Variants in PRMT8 observed in about 807,000 individuals in gnomAD.
PRMT8 encodes protein arginine N-methyltransferase 8.
Under a neutral mutation model 47.1 loss-of-function variants are expected in PRMT8, and 7 were observed. The ratio of observed to expected loss-of-function variants is 0.15; its 90% confidence interval spans 0.08 to 0.28. The LOEUF is 0.28. Among genes scored for constraint, PRMT8 ranks in the 10% least tolerant of loss-of-function variants. The pLI is 1.00. For synonymous variants in PRMT8, 188 were observed against 186.5 expected, an observed-to-expected ratio of 1.01 and a Z score of -0.07; for missense variants, 237 against 505.4, an observed-to-expected ratio of 0.47 and a Z score of 5.09.
intron 1 of PRMT8, among the ~76,000 whole-genome samples, chr12:3,505,691 A>C (rs953658938): frequency 2.0e-5 from 3 of 152,258 alleles, no homozygotes; most frequent in Admixed American, 6.5e-5. Context: ...GGAGCCAGTA[A>C]GTAGCAGAGC....
At chr12:3,486,444 G>C (rs1401558055), upstream of PRMT8, among the ~76,000 whole-genome samples, 1 of 152,046 alleles carries the variant, frequency 6.6e-6, no homozygotes, top group African/African-American at 2.4e-5. Context: ...TTTTAGTCCA[G>C]AATACTTAGC....
chr12:3,552,616 G>A lies in PRMT8; in HGVS notation c.418-1035G>A. ...GCCAGGGACCTGGCAGCCCAGGAAA[G>A]GGCTGGTTCTCCTGGGACCTGCACC... On this transcript the variant is annotated intron_variant, in intron 3 of 9. Transcript: ENST00000382622. This position sits in a 1 kb window ranked among gnomAD's most constrained non-coding sequence, Gnocchi z 4.5. 1 of 403,148 alleles carries A rather than the reference G, an allele frequency of 2.5e-6. No individual in the cohort carries two copies. Among genetic ancestry groups the A allele is most frequent in the Non-Finnish European group, 5.0e-6 (1 of 198,316 alleles). 25.0% of individuals were successfully genotyped at this position (403,148 alleles called of 1,614,324 possible). A position where few individuals can be genotyped will look rare whatever the true frequency, so the allele number is the denominator to read the frequency against.
chr12:3,491,756 C>T (rs1467396635), intron 1 of PRMT8, 56 bp downstream of exon 1: 2 of 1,548,136 alleles, frequency 1.3e-6, no homozygotes, highest in Non-Finnish European at 8.7e-7. Flanking sequence ...CCCGGACCAC[C>T]GCGCCGCCGC....
At chr12:3,478,116 G>A (rs1007816417) in intron 1 of PRMT8, among the ~76,000 whole-genome samples, 5 of 152,108 alleles carry the variant, frequency 3.3e-5, no homozygotes, top group Middle Eastern at 3.2e-3. Flanking sequence ...AAACTTAATC[G>A]GACTTTGAGG....
At chr12:3,505,239 AT>A (rs1357963219) in intron 1 of PRMT8, among the ~76,000 whole-genome samples, 2 of 152,090 alleles carry the variant, frequency 1.3e-5, no homozygotes, top group African/African-American at 4.8e-5. Context: ...CCAAGACCCT[AT>A]TTTTAAATGA....
intron 8 of PRMT8, among the ~76,000 whole-genome samples, chr12:3,590,495 C>T (rs141236271): frequency 6.6e-6 from 1 of 152,148 alleles, no homozygotes; most frequent in Non-Finnish European, 1.5e-5. Flanking sequence ...GCCTTCTAAT[C>T]ATGCCTAGTG....
rs138860001 is a variant in PRMT8, at chr12:3,515,506, A to G, written c.75+23806A>G. ...GTTGTGCACATGTACCCTAAAACTT[A>G]AAGTATAATAATAATAAAATAAAAA... is the stretch of plus-strand genomic sequence containing the variant. On this transcript the variant is annotated intron_variant, in intron 1 of 9. Transcript: ENST00000382622. Among the ~76,000 whole-genome samples the G allele has an allele frequency of 9.8e-3, 1,494 of 152,318 alleles. 17 individuals are homozygous for G. Among genetic ancestry groups the G allele is most frequent in the Admixed American group, 0.019 (285 of 15,306 alleles).
intron 1 of PRMT8, among the ~76,000 whole-genome samples, chr12:3,512,369 G>T (rs769918473): frequency 3.9e-5 from 6 of 152,076 alleles, no homozygotes; most frequent in Non-Finnish European, 8.8e-5. Context: ...ATCCAGATCT[G>T]CACTTCTGGC....
At chr12:3,548,347 A>G (rs1866361553) in intron 2 of PRMT8, among the ~76,000 whole-genome samples, 1 of 152,202 alleles carries the variant, frequency 6.6e-6, no homozygotes, top group Non-Finnish European at 1.5e-5. Flanking sequence ...CTTTATCAAA[A>G]TTAAAAACTG....
In PRMT8 at chr12:3,593,043, C is replaced by A; in HGVS notation, c.1102-56C>A. The A allele has an allele frequency of 7.2e-7, 1 of 1,385,880 alleles. No homozygotes were observed. Among genetic ancestry groups the A allele is most frequent in the Non-Finnish European group, 1.0e-6 (1 of 975,526 alleles). The allele number at this position is 1,385,880 out of a possible 1,614,324, so 85.8% of individuals were successfully genotyped here. A position where few individuals can be genotyped will look rare whatever the true frequency, so the allele number is the denominator to read the frequency against. On this transcript the variant is annotated intron_variant, in intron 9 of 9. Coordinates refer to ENST00000382622, the MANE Select transcript of PRMT8 (RefSeq NM_019854.5). This position sits in a 1 kb window ranked among gnomAD's most constrained non-coding sequence, Gnocchi z 4.8. ...GAGCAGGTGGTGCCAGAGAGTGGGG[C>A]TGTGGCTTCATACCCAGACGGCCGC... is the stretch of plus-strand genomic sequence containing the variant.
intron 1 of PRMT8, among the ~76,000 whole-genome samples, chr12:3,392,152 C>T (rs925307267): frequency 2.0e-5 from 3 of 152,166 alleles, no homozygotes; most frequent in Non-Finnish European, 4.4e-5. Flanking sequence ...ATCACAGAAT[C>T]ACTTACACGT....
chr12:3,491,525 A>G lies in PRMT8; in HGVS notation c.-101A>G. ...CGCTCCAGCTGAGGGGCTGGGTTGG[A>G]TTTTTTTTTTTCTCCCATCCTCTCG... On this transcript the variant is annotated 5_prime_UTR_variant, in exon 1 of 10. Coordinates refer to ENST00000382622, the MANE Select transcript of PRMT8 (RefSeq NM_019854.5). 3.4e-6 allele frequency: 4 copies of G among 1,171,078 alleles called. No individual in the cohort carries two copies. The highest frequency in any genetic ancestry group is 2.3e-6 in the Non-Finnish European group (2 of 886,874). 72.5% of individuals were successfully genotyped at this position (1,171,078 alleles called of 1,614,324 possible).
chr12:3,565,528 G>A (rs1345274642), intron 4 of PRMT8, among the ~76,000 whole-genome samples: 1 of 152,156 alleles, frequency 6.6e-6, no homozygotes, highest in East Asian at 1.9e-4. Context: ...ACTGAGAAAT[G>A]TCTGCACTTG....
intron 4 of PRMT8, 120 bp from the exon 5 acceptor site, chr12:3,568,586 A>G (rs1228295680): frequency 1.2e-5 from 13 of 1,123,154 alleles, no homozygotes; most frequent in East Asian, 2.5e-5. Flanking sequence ...GAGCTACATC[A>G]TATCCTAAAA....
chr12:3,457,844 T>TA (rs1491062778), intron 1 of PRMT8, among the ~76,000 whole-genome samples: 4 of 35,968 alleles, frequency 1.1e-4, no homozygotes, highest in African/African-American at 2.4e-4. Flanking sequence ...CCAGTTTGCT[T>TA]TTTTTTTTTT....
intron 1 of PRMT8, among the ~76,000 whole-genome samples, chr12:3,387,503 G>A (rs1285054774): frequency 6.6e-6 from 1 of 152,168 alleles, no homozygotes; most frequent in Non-Finnish European, 1.5e-5. Flanking sequence ...ATGGGCTAAT[G>A]GCTTGAGCCA....
intron 1 of PRMT8, among the ~76,000 whole-genome samples, chr12:3,529,622 G>T (rs1865998298): frequency 6.6e-6 from 1 of 152,188 alleles, no homozygotes; most frequent in Non-Finnish European, 1.5e-5. Flanking sequence ...GAGTAGATGG[G>T]TTTGCTAGAA....
chr12:3,544,773 T>A (rs903600478), intron 2 of PRMT8, among the ~76,000 whole-genome samples: 2 of 152,226 alleles, frequency 1.3e-5, no homozygotes, highest in African/African-American at 4.8e-5. Context: ...GTTGGGCCTT[T>A]GTTTGCCTTG....
At chr12:3,510,181 G>A (rs1055350869) in intron 1 of PRMT8, among the ~76,000 whole-genome samples, 4 of 152,240 alleles carry the variant, frequency 2.6e-5, no homozygotes, top group Admixed American at 1.3e-4. Flanking sequence ...TCCTAATTGC[G>A]GGCACTCAGG....
Sources: gnomAD v4.1 joint callset for allele counts (sites outside exome capture counted in the v4.1 genomes callset) on GRCh38, gnomAD v4.1.1 for gene constraint, Gnocchi (gnomAD v3.1) non-coding constraint, MANE v1.5 for transcripts, NCBI Gene and HGNC (gene_info 2026-07-23, HGNC 2026-07-21) for gene names.